Variants in PCDH15 observed in about 807,000 individuals in gnomAD.
PCDH15 encodes the protein protocadherin-15.
A neutral mutation model predicts 178.5 loss-of-function variants in PCDH15; 129 were observed. That is an observed-to-expected ratio of 0.72 (90% CI 0.63 to 0.84). The LOEUF is 0.84. PCDH15 is among the 40% of genes least tolerant of loss of function. The pLI is 0.00. For missense variants in PCDH15, 2,230 were observed against 2,099.9 expected (o/e 1.06, Z -1.21); for synonymous variants, 800 against 732.0 (o/e 1.09, Z -1.50).
chr10:53,872,672 T>C (rs1396748280), intron 26 of PCDH15, among the ~76,000 whole-genome samples: 1 of 152,114 alleles, frequency 6.6e-6, no homozygotes, highest in Non-Finnish European at 1.5e-5. Context: ...GGTCTCTGAG[T>C]TTCACTGTGC....
intron 2 of PCDH15, among the ~76,000 whole-genome samples, chr10:55,348,172 T>C (rs974574707): frequency 5.9e-5 from 9 of 152,132 alleles, no homozygotes; most frequent in African/African-American, 2.2e-4. Flanking sequence ...ATTATAGACA[T>C]TTAGCTATTT....
Position 53,806,394 on chromosome 10 carries a change from A to T in PCDH15, c.*185T>A. On this transcript the variant is annotated 3_prime_UTR_variant, in exon 38 of 38. Coordinates refer to ENST00000644397, the MANE Select transcript of PCDH15 (RefSeq NM_001384140.1). ...AGTATGTCCAAAAGGATTTTCTGGG[A>T]AAAACGATTAATTGATAACAATGTG... The T allele has an allele frequency of 1.8e-6, 1 of 550,018 alleles. No homozygotes were observed. Among genetic ancestry groups the T allele is most frequent in the Non-Finnish European group, 3.1e-6 (1 of 321,572 alleles). 34.1% of individuals were successfully genotyped at this position (550,018 alleles called of 1,614,324 possible).
At chr10:55,208,304 T>C (rs1358008096) in intron 1 of PCDH15, among the ~76,000 whole-genome samples, 1 of 152,086 alleles carries the variant, frequency 6.6e-6, no homozygotes, top group Non-Finnish European at 1.5e-5. Flanking sequence ...GCTTGTTCCA[T>C]CCTTTGTTGC....
At chr10:55,277,290 G>A (rs1302470240) in intron 1 of PCDH15, among the ~76,000 whole-genome samples, 1 of 151,854 alleles carries the variant, frequency 6.6e-6, no homozygotes, top group Non-Finnish European at 1.5e-5. Flanking sequence ...TTTTTTTCAG[G>A]TAGTTTATGA....
chr10:54,192,807 C>T (rs1007106163), intron 11 of PCDH15, among the ~76,000 whole-genome samples: 3 of 152,102 alleles, frequency 2.0e-5, no homozygotes, highest in Non-Finnish European at 4.4e-5. Context: ...TTACTTGACA[C>T]TTTTATAAAA....
chr10:55,391,502 G>A (rs1048111620), intron 2 of PCDH15, among the ~76,000 whole-genome samples: 4 of 151,650 alleles, frequency 2.6e-5, no homozygotes, highest in African/African-American at 9.7e-5. Flanking sequence ...TTTGGGGGGT[G>A]GGGGGATGGA....
chr10:54,870,781 C>A (rs370557904), intron 3 of PCDH15, among the ~76,000 whole-genome samples: 2 of 138,822 alleles, frequency 1.4e-5, no homozygotes, highest in African/African-American at 2.7e-5. Context: ...GAGAGACTCC[C>A]TCTCAAAAAA....
At chr10:54,318,381 T>G (rs1023937736) in intron 7 of PCDH15, among the ~76,000 whole-genome samples, 3 of 152,180 alleles carry the variant, frequency 2.0e-5, no homozygotes, top group African/African-American at 7.2e-5. Context: ...CAGCCATTTT[T>G]TCTATTAGAG....
At chr10:53,912,055 C>A (rs1292191942) in intron 25 of PCDH15, among the ~76,000 whole-genome samples, 1 of 152,122 alleles carries the variant, frequency 6.6e-6, no homozygotes, top group Non-Finnish European at 1.5e-5. Flanking sequence ...CAATAAAATA[C>A]CCGCAAACTG....
intron 1 of PCDH15, among the ~76,000 whole-genome samples, chr10:55,304,637 C>T (rs1351792948): frequency 6.6e-6 from 1 of 152,136 alleles, no homozygotes; most frequent in Admixed American, 6.5e-5. Context: ...AATCCACATA[C>T]ATTAAAATGG....
chr10:54,537,820 G>A (rs2084748881), intron 2 of PCDH15, among the ~76,000 whole-genome samples: 1 of 152,026 alleles, frequency 6.6e-6, no homozygotes, highest in South Asian at 2.1e-4. Flanking sequence ...TGACTGGTGT[G>A]AGGTAGTATC....
Position 54,908,587 on chromosome 10 carries a change from G to C in PCDH15, c.-79-11087C>G, listed in dbSNP as rs577614080. 7.9e-5 allele frequency among the ~76,000 whole-genome samples: 12 copies of C among 152,316 alleles called. No individual in the cohort carries two copies. The South Asian group carries it at 2.5e-3, about 32-fold the overall frequency. On this transcript the variant is annotated intron_variant, in intron 2 of 5. Transcript: ENST00000458638. Reference sequence around the variant, plus strand: ...TCGTGTTACAGTTACAGCTCTTTTAGCTCTAACATTTGCCTTGTCCAGAGT... The same window carrying C: ...TCGTGTTACAGTTACAGCTCTTTTACCTCTAACATTTGCCTTGTCCAGAGT...
intron 8 of PCDH15, among the ~76,000 whole-genome samples, chr10:54,263,959 G>A (rs1469741662): frequency 6.6e-6 from 1 of 152,154 alleles, no homozygotes; most frequent in East Asian, 1.9e-4. Flanking sequence ...GACTTACTGA[G>A]TCTCCTGGCT....
chr10:55,097,866 C>T (rs1260457411), intron 2 of PCDH15, among the ~76,000 whole-genome samples: 1 of 152,102 alleles, frequency 6.6e-6, no homozygotes, highest in Non-Finnish European at 1.5e-5. Context: ...TGACTTTCAT[C>T]ATTTTTTATT....
At chr10:55,057,411 T>G in intron 2 of PCDH15, among the ~76,000 whole-genome samples, 1 of 152,342 alleles carries the variant, frequency 6.6e-6, no homozygotes, top group East Asian at 1.9e-4. Context: ...GTCATTATTT[T>G]ATTTCCATTT....
intron 2 of PCDH15, chr10:54,600,172 G>A (rs2092458746): frequency 5.9e-6 from 4 of 672,942 alleles, no homozygotes; most frequent in Middle Eastern, 2.5e-4. Context: ...AGCCATGGAG[G>A]AGGCAGTCAC....
At chr10:54,786,194 A>G (rs1332611863) in intron 1 of PCDH15, among the ~76,000 whole-genome samples, 1 of 152,042 alleles carries the variant, frequency 6.6e-6, no homozygotes, top group Non-Finnish European at 1.5e-5. Context: ...AGAGCATAGC[A>G]GTCATGCATT....
chr10:54,183,199 G>A (rs2048164172), intron 13 of PCDH15, among the ~76,000 whole-genome samples: 2 of 152,106 alleles, frequency 1.3e-5, no homozygotes, highest in Non-Finnish European at 2.9e-5. Context: ...TCGAACTCCC[G>A]ACCTCAGGTG....
chr10:54,905,042 C>T (rs1954696729), intron 2 of PCDH15, among the ~76,000 whole-genome samples: 2 of 151,706 alleles, frequency 1.3e-5, no homozygotes, highest in Non-Finnish European at 2.9e-5. Flanking sequence ...TATGACTGTA[C>T]CACTTTCAAA....
Sources: gnomAD v4.1 joint callset for allele counts (sites outside exome capture counted in the v4.1 genomes callset) on GRCh38, gnomAD v4.1.1 for gene constraint, MANE v1.5 for transcripts, NCBI Gene and HGNC (gene_info 2026-07-23, HGNC 2026-07-21) for gene names.